PLD5: variants seen among roughly 807,000 people sequenced by gnomAD.
PLD5 encodes the protein inactive phospholipase D5.
In PLD5, 36 loss-of-function variants were observed where a neutral mutation model predicts 61.1. The observed-to-expected ratio is 0.59, with a 90% CI of 0.45 to 0.78. The LOEUF is 0.78. PLD5 is among the 30% of genes least tolerant of loss of function. The probability of loss-of-function intolerance (pLI) is 0.00; values close to 1 mark genes in which losing one functional copy is unlikely to be tolerated. For synonymous variants in PLD5, 243 were observed against 242.8 expected, an observed-to-expected ratio of 1.00 and a Z score of -0.01; for missense variants, 515 against 644.4, an observed-to-expected ratio of 0.80 and a Z score of 2.17.
chr1:242,174,876 A>T (rs919773916), intron 5 of PLD5, among the ~76,000 whole-genome samples: 1 of 152,136 alleles, frequency 6.6e-6, no homozygotes, highest in African/African-American at 2.4e-5. Context: ...AGGAAGGGGA[A>T]CGTCACACAC....
intron 5 of PLD5, among the ~76,000 whole-genome samples, chr1:242,188,221 A>C (rs1668029175): frequency 6.6e-6 from 1 of 152,190 alleles, no homozygotes. Context: ...GGGAGAGAGA[A>C]GTTAAAGAGT....
chr1:242,272,907 TG>T (rs1423672581), intron 3 of PLD5, among the ~76,000 whole-genome samples: 2 of 152,106 alleles, frequency 1.3e-5, no homozygotes, highest in African/African-American at 2.4e-5. Context: ...ATTTTTTGTT[TG>T]TTTTTTTTTC....
At chr1:242,497,362 T>C (rs1668404714) in intron 1 of PLD5, among the ~76,000 whole-genome samples, 1 of 152,258 alleles carries the variant, frequency 6.6e-6, no homozygotes, top group Non-Finnish European at 1.5e-5. Flanking sequence ...TCATTCTTTC[T>C]TACTTATATT....
chr1:242,431,631 C>T (rs1338318319), intron 1 of PLD5, among the ~76,000 whole-genome samples: 1 of 152,216 alleles, frequency 6.6e-6, no homozygotes, highest in East Asian at 1.9e-4. Flanking sequence ...AGAGCAATAA[C>T]ATTTTTCAAC....
chr1:242,183,400 C>T (rs1667646087), intron 5 of PLD5, among the ~76,000 whole-genome samples: 1 of 152,074 alleles, frequency 6.6e-6, no homozygotes, highest in Non-Finnish European at 1.5e-5. Flanking sequence ...ATGTATAATG[C>T]TTTATTTGTC....
intron 1 of PLD5, among the ~76,000 whole-genome samples, chr1:242,491,568 A>T (rs1239127740): frequency 6.6e-6 from 1 of 152,246 alleles, no homozygotes; most frequent in Non-Finnish European, 1.5e-5. Context: ...AAATACTTTA[A>T]ATATTTAAAT....
chr1:242,444,692 T>A (rs10522983), intron 1 of PLD5, among the ~76,000 whole-genome samples: 1 of 119,684 alleles, frequency 8.4e-6, no homozygotes, highest in African/African-American at 3.2e-5. Context: ...ATATTTATAT[T>A]ATATAAATAT....
intron 2 of PLD5, among the ~76,000 whole-genome samples, chr1:242,300,627 C>T (rs1025695852): frequency 3.9e-5 from 6 of 151,986 alleles, no homozygotes; most frequent in South Asian, 4.2e-4. Context: ...CTATTGGACA[C>T]GGTGTGAGGT....
chr1:242,477,626 G>A (rs1281873505), intron 1 of PLD5, among the ~76,000 whole-genome samples: 3 of 152,200 alleles, frequency 2.0e-5, no homozygotes, highest in Non-Finnish European at 4.4e-5. Context: ...CGGAGGCAGA[G>A]ATCAGGCAGC....
intron 1 of PLD5, among the ~76,000 whole-genome samples, chr1:242,407,211 A>C (rs929911342): frequency 3.9e-5 from 6 of 152,058 alleles, no homozygotes; most frequent in Non-Finnish European, 5.9e-5. Context: ...ACCATGTAAG[A>C]CGTGACTTTG....
chr1:242,108,745 C>A (rs1661258629), intron 7 of PLD5, among the ~76,000 whole-genome samples: 1 of 152,212 alleles, frequency 6.6e-6, no homozygotes, highest in Admixed American at 6.5e-5. Flanking sequence ...TGGGCCAATT[C>A]AGTATTTGAA....
At chr1:242,480,380 A>T (rs571619625) in intron 1 of PLD5, among the ~76,000 whole-genome samples, 24 of 152,240 alleles carry the variant, frequency 1.6e-4, no homozygotes, top group African/African-American at 5.8e-4. Flanking sequence ...ACAGACTTCA[A>T]TCGAAGAGCT....
intron 1 of PLD5, among the ~76,000 whole-genome samples, chr1:242,453,160 G>A (rs902203244): frequency 2.0e-5 from 3 of 152,228 alleles, no homozygotes; most frequent in Non-Finnish European, 2.9e-5. Flanking sequence ...CCTCATGAAC[G>A]GGATTAGTAC....
At chr1:242,504,462 A>C (rs74150742) in intron 1 of PLD5, among the ~76,000 whole-genome samples, 5,629 of 152,320 alleles carry the variant, frequency 0.037, 189 homozygotes, top group African/African-American at 0.088. Context: ...ATCATCCTTG[A>C]ATAAAGCCAA....
intron 2 of PLD5, among the ~76,000 whole-genome samples, chr1:242,331,648 A>T (rs1484319863): frequency 6.6e-6 from 1 of 152,190 alleles, no homozygotes; most frequent in East Asian, 1.9e-4. Flanking sequence ...AACGTTTAAT[A>T]TTACATTTCC....
chr1:242,273,058 T>A, intron 3 of PLD5, among the ~76,000 whole-genome samples: 1 of 152,166 alleles, frequency 6.6e-6, no homozygotes, highest in East Asian at 1.9e-4. Context: ...GTATTTGTCC[T>A]AATGCTCTCC....
At chr1:242,227,973 C>T (rs577181119) in intron 4 of PLD5, among the ~76,000 whole-genome samples, 7 of 152,250 alleles carry the variant, frequency 4.6e-5, no homozygotes, top group East Asian at 3.9e-4. Flanking sequence ...ACTTCCGTTC[C>T]GAATCTTCTC....
At chr1:242,517,535 A>C (rs957194288) in intron 1 of PLD5, among the ~76,000 whole-genome samples, 1 of 152,128 alleles carries the variant, frequency 6.6e-6, no homozygotes, top group Non-Finnish European at 1.5e-5. Context: ...AATAAAATGA[A>C]TTTTGTTATG....
chr1:242,397,141 C>A (rs1663630123), intron 1 of PLD5, among the ~76,000 whole-genome samples: 1 of 151,976 alleles, frequency 6.6e-6, no homozygotes, highest in Non-Finnish European at 1.5e-5. Flanking sequence ...TTTTAAATAC[C>A]ACTAAACCCT....
Sources: allele counts gnomAD v4.1 joint callset (sites outside exome capture counted in the v4.1 genomes callset), GRCh38; gene constraint gnomAD v4.1.1; transcripts MANE v1.5; gene names NCBI Gene and HGNC (gene_info 2026-07-23, HGNC 2026-07-21).